The following DCAF4 variants were observed in gnomAD, a reference collection of about 807,000 sequenced individuals.
DCAF4 encodes DDB1- and CUL4-associated factor 4.
Under a neutral mutation model 60.9 loss-of-function variants are expected in DCAF4, and 37 were observed. The observed-to-expected ratio is 0.61, with a 90% CI of 0.47 to 0.80. The LOEUF is 0.80. DCAF4 is among the 30% of genes least tolerant of loss of function. The pLI is 0.00. For synonymous variants in DCAF4, 243 were observed against 254.8 expected (o/e 0.95, Z 0.44); for missense variants, 577 against 650.0 (o/e 0.89, Z 1.22).
At chr14:72,945,086 C>T (rs1890550939) in intron 6 of DCAF4, among the ~76,000 whole-genome samples, 1 of 151,294 alleles carries the variant, frequency 6.6e-6, no homozygotes, top group Non-Finnish European at 1.5e-5. Flanking sequence ...AAGACTCCCT[C>T]TCAAAAAAAT....
At chr14:72,952,261 G>C (rs1567322288) in intron 9 of DCAF4, among the ~76,000 whole-genome samples, 1 of 152,216 alleles carries the variant, frequency 6.6e-6, no homozygotes, top group Non-Finnish European at 1.5e-5. Flanking sequence ...CAGCATTCTG[G>C]ATATTACATT....
chr14:72,929,629 C>T (rs182492168), intron 1 of DCAF4: 2 of 1,238,658 alleles, frequency 1.6e-6, no homozygotes, highest in Non-Finnish European at 2.3e-6. Flanking sequence ...TTCTTGGCAG[C>T]GGCTTTCCTC....
chr14:72,942,924 C>G, intron 5 of DCAF4, 70 bp from the exon 6 acceptor site: 1 of 1,455,316 alleles, frequency 6.9e-7, no homozygotes, highest in East Asian at 2.3e-5. Flanking sequence ...GCAGGGAAGG[C>G]CAGAGACCCC....
downstream of DCAF4, among the ~76,000 whole-genome samples, chr14:72,961,168 C>T (rs1354582439): frequency 5.3e-5 from 8 of 152,042 alleles, no homozygotes; most frequent in Non-Finnish European, 1.0e-4. Context: ...ATTACAGACA[C>T]GAGCCATTTG....
In DCAF4 at chr14:72,941,807, C is replaced by T. The variant is rs151208703; in HGVS notation, c.414C>T (p.Asn138=). The part of the protein sequence containing the change: ...MLRKSQLGFL[N]VTNYCHLAHE... ...GAAAAAGCCAGCTGGGTTTTCTCAA[C>T]GTCACCAATTACTGCCAGTAAGACA... Residue 138 remains asparagine (N), a synonymous_variant, in exon 5 of 14, where the codon AAC becomes AAT. Transcript: ENST00000358377. 985 of 1,614,080 alleles carry T rather than the reference C, an allele frequency of 6.1e-4. No individual in the cohort carries two copies. The highest frequency in any genetic ancestry group is 1.3e-3 in the Admixed American group (76 of 60,014).
In DCAF4 at chr14:72,946,139, T is replaced by C. The variant is rs191774299; in HGVS notation, c.678+112T>C. The C allele has an allele frequency of 1.1e-5, 15 of 1,358,216 alleles. No homozygotes were observed. The African/African-American group carries it at 2.0e-4, about 18-fold the overall frequency. The allele number at this position is 1,358,216 out of a possible 1,614,324, so 84.1% of individuals were successfully genotyped here. On this transcript the variant is annotated intron_variant, in intron 7 of 13. Transcript: ENST00000358377. ...AGAGGGCAGAGCATACTTACCTCAT[T>C]TTTCCATAAGACTTGATTTTTTACT...
At chr14:72,940,004 A>C in intron 3 of DCAF4, 102 bp downstream of exon 3, 2 of 1,287,516 alleles carry the variant, frequency 1.6e-6, no homozygotes, top group Non-Finnish European at 2.1e-6. Context: ...TGAAACACTC[A>C]GGGAAGGAGC....
chr14:72,949,681 C>T (rs1232883047), intron 8 of DCAF4, among the ~76,000 whole-genome samples: 2 of 152,058 alleles, frequency 1.3e-5, no homozygotes, highest in Admixed American at 6.5e-5. Context: ...CTTGAAAACC[C>T]GGGAGACAGA....
downstream of DCAF4, chr14:72,962,012 C>G: frequency 9.2e-7 from 1 of 1,091,196 alleles, no homozygotes; most frequent in Non-Finnish European, 1.1e-6. Context: ...CATCTCTTCC[C>G]TTCATAGCCC....
At chr14:72,961,836 CT>C, downstream of DCAF4, 1 of 1,064,312 alleles carries the variant, frequency 9.4e-7, no homozygotes, top group Non-Finnish European at 1.2e-6. Context: ...AGGCCTCTCT[CT>C]CCTTGCCCCC....
At chr14:72,941,589 G>T (rs571187171) in intron 4 of DCAF4, among the ~76,000 whole-genome samples, 156 bp from the exon 5 acceptor site, 1 of 150,448 alleles carries the variant, frequency 6.6e-6, no homozygotes, top group South Asian at 2.1e-4. Context: ...GAGGAAGGGA[G>T]ACTTGGAAAG....
chr14:72,960,698 C>G (rs1892785344), downstream of DCAF4: 20 of 1,064,068 alleles, frequency 1.9e-5, no homozygotes, highest in Non-Finnish European at 2.2e-5. Flanking sequence ...TGGGCAGAGA[C>G]AGGCAAGTGC....
At chr14:72,931,087 C>A (rs1376924556) in intron 1 of DCAF4, among the ~76,000 whole-genome samples, 1 of 152,090 alleles carries the variant, frequency 6.6e-6, no homozygotes, top group Non-Finnish European at 1.5e-5. Flanking sequence ...TTTGGGTATT[C>A]TGGGTCCCTT....
Position 72,954,372 on chromosome 14 carries a change from T to A in DCAF4, c.908-14T>A, listed in dbSNP as rs1384541335. ...TGTGACATAATCTTACCAGCCCATC[T>A]CTGTCTCCGCCAGGCTTGTCTCGGC... On this transcript the variant is annotated splice_polypyrimidine_tract_variant and intron_variant, in intron 10 of 13. Transcript: ENST00000358377. 1.2e-6 allele frequency: 2 copies of A among 1,613,984 alleles called. No homozygotes were observed. Among genetic ancestry groups the A allele is most frequent in the Admixed American group, 3.3e-5 (2 of 60,006 alleles).
At chr14:72,938,173 G>A (rs1482956288) in intron 2 of DCAF4, 103 bp downstream of exon 2, 29 of 1,428,032 alleles carry the variant, frequency 2.0e-5, no homozygotes, top group South Asian at 7.5e-5. Flanking sequence ...CTGGGGGCTC[G>A]TCCCAATGCA....
intron 4 of DCAF4, 119 bp from the exon 5 acceptor site, chr14:72,941,626 A>AT: frequency 1.1e-6 from 1 of 921,172 alleles, no homozygotes; most frequent in Non-Finnish European, 1.7e-6. Context: ...TATGCATATA[A>AT]TTTCTGCCAA....
chr14:72,930,693 C>A (rs1386140520), intron 1 of DCAF4, among the ~76,000 whole-genome samples: 1 of 152,072 alleles, frequency 6.6e-6, no homozygotes, highest in Non-Finnish European at 1.5e-5. Flanking sequence ...TTTGAGAAAT[C>A]ATTGCCTAAT....
At position 72,959,084 on chromosome 14, in the gene DCAF4, TTTC is replaced by T; in HGVS notation, c.*282_*284del. 3.6e-6 allele frequency: 4 copies of T among 1,122,454 alleles called. No individual in the cohort carries two copies. The highest frequency in any genetic ancestry group is 4.4e-6 in the Non-Finnish European group (4 of 918,004). 69.5% of individuals were successfully genotyped at this position (1,122,454 alleles called of 1,614,324 possible). On this transcript the variant is annotated 3_prime_UTR_variant, in exon 14 of 14. Coordinates refer to ENST00000358377, the MANE Select transcript of DCAF4 (RefSeq NM_015604.4). ...AGAACTTAGTTAACCCTCCCTGCCT[TTTC>T]TTAACAAAAAGGACTTTTCTAAGGA...
chr14:72,940,588 G>T (rs1306428389), intron 4 of DCAF4: 237 of 276,382 alleles, frequency 8.6e-4, no homozygotes, highest in Middle Eastern at 2.0e-3. Context: ...TGTTCGATAA[G>T]TTGTTTTTTT....
Sources: allele counts gnomAD v4.1 joint callset (sites outside exome capture counted in the v4.1 genomes callset), GRCh38; gene constraint gnomAD v4.1.1; transcripts MANE v1.5; gene names NCBI Gene and HGNC (gene_info 2026-07-23, HGNC 2026-07-21).